C8orf76: variants seen among roughly 807,000 people sequenced by gnomAD.
C8orf76 encodes uncharacterized protein C8orf76.
C8orf76 carries 46 observed loss-of-function variants against 38.1 expected under a neutral mutation model. That is an observed-to-expected ratio of 1.21 (90% CI 0.95 to 1.54). The LOEUF (loss-of-function observed/expected upper bound fraction) is 1.54, where lower values mean the gene tolerates loss of function less well. Ranked by LOEUF, C8orf76 falls within the 40% of genes most tolerant of loss-of-function variation. C8orf76 has a pLI of 0.00. For synonymous variants in C8orf76, 166 were observed against 167.5 expected (o/e 0.99, Z 0.07); for missense variants, 461 against 441.6 (o/e 1.04, Z -0.39).
chr8:123,237,334 A>G (rs1266300274), intron 3 of C8orf76, among the ~76,000 whole-genome samples: 6 of 152,190 alleles, frequency 3.9e-5, no homozygotes, highest in Admixed American at 3.9e-4. Flanking sequence ...AAGAAAAAAA[A>G]ATTCTGCAAA....
At chr8:123,234,069 T>A (rs1825374344) in intron 3 of C8orf76, among the ~76,000 whole-genome samples, 1 of 152,026 alleles carries the variant, frequency 6.6e-6, no homozygotes, top group African/African-American at 2.4e-5. Context: ...GAGTGATTTT[T>A]CCAGAATACT....
chr8:123,237,852 C>T lies in C8orf76; in HGVS notation c.303G>A (p.Arg101=). 1 of 1,614,110 alleles carries T rather than the reference C, an allele frequency of 6.2e-7. No homozygotes were observed. Among genetic ancestry groups the T allele is most frequent in the South Asian group, 1.1e-5 (1 of 91,072 alleles). ...TATGCCTACCCAGGTGAGCCAGACA[C>T]CGAGCCTGACCTTCCTGGACATCCC... ...MKRDVQEGQA[R]CLAHLGRHME... is the part of the protein sequence containing the mutation. The change falls in exon 3 of 6, where the codon CGG becomes CGA. Residue 101 remains arginine, a synonymous_variant. Transcript: ENST00000276704.
intron 4 of C8orf76, among the ~76,000 whole-genome samples, chr8:123,230,775 G>C (rs187555146): frequency 6.6e-6 from 1 of 151,858 alleles, no homozygotes. Context: ...TCAGCCTCCT[G>C]AGTAGCTGGG....
chr8:123,226,307 G>T, intron 5 of C8orf76, 193 bp downstream of exon 5: 11 of 1,411,790 alleles, frequency 7.8e-6, no homozygotes, highest in African/African-American at 1.5e-5. Flanking sequence ...CAGCCCCTGC[G>T]GTCCCGCACG....
In C8orf76 at chr8:123,230,456, T is replaced by A. The variant is rs117127026; in HGVS notation, c.815+844A>T. ...TTCCTAATTTTTTAATGTTTTCTAATCTTAACATTCCATCTTGGACAATGA... is the reference window on the plus strand; with the variant it reads ...TTCCTAATTTTTTAATGTTTTCTAAACTTAACATTCCATCTTGGACAATGA... On this transcript the variant is annotated intron_variant, in intron 4 of 5. Transcript: ENST00000276704. Among the ~76,000 whole-genome samples the A allele has an allele frequency of 1.9e-4, 29 of 152,354 alleles. No homozygotes were observed. In the East Asian group the frequency reaches 4.8e-3, roughly 25 times the overall value.
intron 4 of C8orf76, among the ~76,000 whole-genome samples, chr8:123,230,437 AT>A (rs1164025221): frequency 6.6e-6 from 1 of 152,000 alleles, no homozygotes; most frequent in African/African-American, 2.4e-5. Context: ...TATTTTCCTA[AT>A]TTTTTAATGT....
In C8orf76 at chr8:123,237,951, ATT is replaced by A. The variant is rs755834550; in HGVS notation, c.214-12_214-11del. ...ACTCCTGCAGTGCTTTCTGGAAATT[ATT>A]TGTTAAATAAAGAAATGAAAGGAGG... On this transcript the variant is annotated splice_polypyrimidine_tract_variant and intron_variant, in intron 2 of 5. Transcript: ENST00000276704. 2 of 1,601,400 alleles carry A rather than the reference ATT, an allele frequency of 1.2e-6. No homozygotes were observed. The highest frequency in any genetic ancestry group is 1.7e-6 in the Non-Finnish European group (2 of 1,175,484).
At chr8:123,241,091 G>T in intron 1 of C8orf76, 139 bp downstream of exon 1, 1 of 822,922 alleles carries the variant, frequency 1.2e-6, no homozygotes, top group Non-Finnish European at 1.8e-6. Context: ...GAGGAGGAGG[G>T]ACGGCGGGGG....
intron 1 of C8orf76, 144 bp from the exon 2 acceptor site, chr8:123,239,288 G>A (rs563895962): frequency 1.7e-5 from 14 of 803,414 alleles, no homozygotes; most frequent in Admixed American, 5.4e-5. Context: ...GAACTCCTGA[G>A]CACAAGTGAT....
chr8:123,226,765 C>T lies in C8orf76; in HGVS notation c.816-133G>A. 1.5e-6 allele frequency: 2 copies of T among 1,305,418 alleles called. 1 individual carries two copies. The highest frequency in any genetic ancestry group is 3.3e-5 in the South Asian group (2 of 60,962). 80.9% of individuals were successfully genotyped at this position (1,305,418 alleles called of 1,614,324 possible). A position where few individuals can be genotyped will look rare whatever the true frequency, so the allele number is the denominator to read the frequency against. ...GTCCCACCAGGTTAAAAAGCAGGTA[C>T]CCACCCTCACTAGAACTATCATTTC... On this transcript the variant is annotated intron_variant, in intron 4 of 5. Coordinates refer to ENST00000276704, the MANE Select transcript of C8orf76 (RefSeq NM_032847.3).
Position 123,237,791 on chromosome 8 carries a change from C to T in C8orf76, c.357+7G>A, listed in dbSNP as rs777808219. 1.9e-6 allele frequency: 3 copies of T among 1,607,996 alleles called. No individual in the cohort carries two copies. Among genetic ancestry groups the T allele is most frequent in the South Asian group, 1.1e-5 (1 of 89,634 alleles). ...TGTGTGTGAAAATAAGCAATAAAAT[C>T]ACTCACCAAGTTTGCAGCAATCTCC... On this transcript the variant is annotated splice_region_variant and intron_variant, in intron 3 of 5. Coordinates refer to ENST00000276704, the MANE Select transcript of C8orf76 (RefSeq NM_032847.3).
intron 5 of C8orf76, 30 bp downstream of exon 5, chr8:123,226,470 G>A (rs779234420): frequency 8.1e-6 from 13 of 1,603,456 alleles, no homozygotes; most frequent in Middle Eastern, 1.7e-4. Context: ...ATGATGCTTC[G>A]TTTCACATAA....
intron 4 of C8orf76, among the ~76,000 whole-genome samples, chr8:123,228,155 C>G (rs557870077): frequency 6.6e-6 from 1 of 152,166 alleles, no homozygotes; most frequent in Non-Finnish European, 1.5e-5. Context: ...CCACACACTC[C>G]GCTGGTCACC....
chr8:123,241,196 C>G, intron 1 of C8orf76, 34 bp downstream of exon 1: 1 of 1,547,694 alleles, frequency 6.5e-7, no homozygotes, highest in Admixed American at 1.9e-5. Context: ...AGGCCTGGGG[C>G]CCGGGATAAG....
At chr8:123,233,078 T>C (rs1343370508) in intron 3 of C8orf76, among the ~76,000 whole-genome samples, 2 of 151,950 alleles carry the variant, frequency 1.3e-5, no homozygotes, top group Non-Finnish European at 2.9e-5. Context: ...TGGAGTGCAA[T>C]GGTGCGATCT....
chr8:123,226,130 A>G, intron 5 of C8orf76: 1 of 1,052,544 alleles, frequency 9.5e-7, no homozygotes. Flanking sequence ...TTCTAGCTCT[A>G]CTCAACTTCA....
At chr8:123,221,731 T>C (rs1053890319) in intron 5 of C8orf76, among the ~76,000 whole-genome samples, 3 of 151,880 alleles carry the variant, frequency 2.0e-5, no homozygotes, top group Non-Finnish European at 2.9e-5. Flanking sequence ...TGAACCACTG[T>C]GCCCGGCCAA....
rs1424877319 is a variant in C8orf76, at chr8:123,237,945, G to A, written c.214-4C>T. ...TGGAATACTCCTGCAGTGCTTTCTG[G>A]AAATTATTTGTTAAATAAAGAAATG... On this transcript the variant is annotated splice_region_variant and splice_polypyrimidine_tract_variant and intron_variant, in intron 2 of 5. Coordinates refer to ENST00000276704, the MANE Select transcript of C8orf76 (RefSeq NM_032847.3). 1 of 1,599,614 alleles carries A rather than the reference G, an allele frequency of 6.3e-7. No individual in the cohort carries two copies. The highest frequency in any genetic ancestry group is 8.5e-7 in the Non-Finnish European group (1 of 1,174,344).
intron 5 of C8orf76, among the ~76,000 whole-genome samples, chr8:123,223,205 TCAGAA>T (rs1824934301): frequency 6.6e-6 from 1 of 152,206 alleles, no homozygotes; most frequent in South Asian, 2.1e-4. Context: ...TAGGTAAATA[TCAGAA>T]CATAGAAAAT....
Sources: gnomAD v4.1 joint callset for allele counts (sites outside exome capture counted in the v4.1 genomes callset) on GRCh38, gnomAD v4.1.1 for gene constraint, MANE v1.5 for transcripts, NCBI Gene and HGNC (gene_info 2026-07-23, HGNC 2026-07-21) for gene names.